COL23A1: variants seen among roughly 807,000 people sequenced by gnomAD.
COL23A1 encodes collagen type XXIII alpha 1 chain.
In COL23A1, 97 loss-of-function variants were observed where a neutral mutation model predicts 99.3. The ratio of observed to expected loss-of-function variants is 0.98; its 90% CI spans 0.83 to 1.16. The LOEUF is 1.16. Ranked by LOEUF, COL23A1 falls within the 50% of genes most tolerant of loss-of-function variation. The pLI is 0.00. For synonymous variants in COL23A1, 320 were observed against 308.2 expected (o/e 1.04, Z -0.40); for missense variants, 762 against 757.4 (o/e 1.01, Z -0.07).
In COL23A1 at chr5:178,322,584, C is replaced by T. The variant is rs534758277; in HGVS notation, c.362-15665G>A. On this transcript the variant is annotated intron_variant, in intron 2 of 28. Transcript: ENST00000390654. ...TGGCTCCTGCCTGGGGGCTGCCAAA[C>T]GAGCTGGCTCCTGCCTGGGGGTCCC... is the stretch of plus-strand genomic sequence containing the variant. Among the ~76,000 whole-genome samples, 541 of 151,792 alleles carry T rather than the reference C, an allele frequency of 3.6e-3. 2 individuals carry two copies. Among genetic ancestry groups the T allele is most frequent in the African/African-American group, 0.012 (508 of 41,336 alleles).
intron 13 of COL23A1, 82 bp from the exon 14 acceptor site, chr5:178,257,010 G>T: frequency 2.2e-6 from 3 of 1,353,512 alleles, no homozygotes; most frequent in Non-Finnish European, 2.1e-6. Context: ...CCTCGGGGTT[G>T]CCTGAAGCCT....
Position 178,258,262 on chromosome 5 carries a change from T to TATATATATATACATACAC in COL23A1, c.730-696_730-695insGTGTATGTATATATATAT. Among the ~76,000 whole-genome samples, 3 of 104,066 alleles carry TATATATATATACATACAC rather than the reference T, an allele frequency of 2.9e-5. 1 individual carries two copies. Among genetic ancestry groups the TATATATATATACATACAC allele is most frequent in the Non-Finnish European group, 6.7e-5 (3 of 44,836 alleles). 68.3% of individuals were successfully genotyped at this position (104,066 alleles called of 152,430 possible). A position where few individuals can be genotyped will look rare whatever the true frequency, so the allele number is the denominator to read the frequency against. On this transcript the variant is annotated intron_variant, in intron 12 of 28. Transcript: ENST00000390654. ...ATATATATATATATATATATATATA[T>TATATATATATACATACAC]ACACATGCAAATCAATTCTAGGCAC...
In COL23A1 at chr5:178,439,090, A is replaced by G. The variant is rs1766721874; in HGVS notation, c.361+121592T>C. 6.6e-6 allele frequency: 1 copy of G among 152,234 alleles called. No individual in the cohort carries two copies. Among genetic ancestry groups the G allele is most frequent in the East Asian group, 1.9e-4 (1 of 5,186 alleles). The allele number at this position is 152,234 out of a possible 1,614,324, so 9.4% of individuals were successfully genotyped here. On this transcript the variant is annotated intron_variant, in intron 2 of 28. Transcript: ENST00000390654. The surrounding 1 kb of genome is among the most constrained non-coding windows in gnomAD (Gnocchi z 4.2). The stretch of plus-strand genomic sequence containing the variant: ...TGCCCAGGCTGTGCGCAGATCAGTT[A>G]CATCAGGACCCAGCCAGCAGATTTT...
chr5:178,479,928 C>T (rs1022037425), intron 2 of COL23A1, among the ~76,000 whole-genome samples: 1 of 152,140 alleles, frequency 6.6e-6, no homozygotes, highest in Non-Finnish European at 1.5e-5. Context: ...CACACCCAGG[C>T]TGTGTGGCAC....
At chr5:178,440,535 T>C (rs1327653381) in intron 2 of COL23A1, among the ~76,000 whole-genome samples, 1 of 152,144 alleles carries the variant, frequency 6.6e-6, no homozygotes, top group Non-Finnish European at 1.5e-5. Flanking sequence ...ACCAGTATTT[T>C]AAAAAATGAA....
intron 2 of COL23A1, among the ~76,000 whole-genome samples, chr5:178,493,902 A>C (rs1758063411): frequency 6.6e-6 from 1 of 152,262 alleles, no homozygotes; most frequent in Non-Finnish European, 1.5e-5. Flanking sequence ...GACAGGCCAC[A>C]AGTCACTGCC....
In COL23A1 at chr5:178,590,020, C is replaced by A. The variant is rs1416864050; in HGVS notation, c.178G>T (p.Ala60Ser). 7.4e-7 allele frequency: 1 copy of A among 1,354,308 alleles called. No individual in the cohort carries two copies. 83.9% of individuals were successfully genotyped at this position (1,354,308 alleles called of 1,614,324 possible). Reference protein sequence around the residue: ...ACLLLGVQAAALQGRVAALEE... With the variant: ...ACLLLGVQAASLQGRVAALEE... Reference sequence around the variant, plus strand: ...AGCGCCGCCACCCGGCCCTGCAGCGCGGCCGCCTGGACACCCAGCAGCAGG... The same window carrying A: ...AGCGCCGCCACCCGGCCCTGCAGCGAGGCCGCCTGGACACCCAGCAGCAGG... Residue 60 changes from alanine (A) to serine (S), a missense_variant, in exon 1 of 29, where the codon GCG (alanine) becomes TCG (serine). Ala to Ser is a moderately conservative substitution (Grantham distance 99). Transcript: ENST00000390654. The surrounding 1 kb of genome is among the most constrained non-coding windows in gnomAD (Gnocchi z 5.7).
chr5:178,268,176 G>C (rs189511833), intron 7 of COL23A1, among the ~76,000 whole-genome samples: 1 of 152,338 alleles, frequency 6.6e-6, no homozygotes, highest in East Asian at 1.9e-4. Flanking sequence ...GGAGCACCCG[G>C]CTGGCCCTGG....
At chr5:178,480,848 A>G (rs1402504884) in intron 2 of COL23A1, among the ~76,000 whole-genome samples, 1 of 152,186 alleles carries the variant, frequency 6.6e-6, no homozygotes, top group African/African-American at 2.4e-5. Context: ...CTTAACATCA[A>G]CATTAAATGT....
chr5:178,457,417 G>T (rs1408494390), intron 2 of COL23A1, among the ~76,000 whole-genome samples: 2 of 152,100 alleles, frequency 1.3e-5, no homozygotes, highest in African/African-American at 2.4e-5. Flanking sequence ...GTTTTGCCAT[G>T]TTGGCCAGGC....
chr5:178,490,141 G>A (rs546586781), intron 2 of COL23A1, among the ~76,000 whole-genome samples: 32 of 152,112 alleles, frequency 2.1e-4, no homozygotes, highest in African/African-American at 3.6e-4. Context: ...CAGAAGAATC[G>A]CTTGAACCTG....
At chr5:178,251,758 T>A (rs750924998) in intron 17 of COL23A1, among the ~76,000 whole-genome samples, 1 of 152,140 alleles carries the variant, frequency 6.6e-6, no homozygotes, top group Non-Finnish European at 1.5e-5. Context: ...GGGGACCACA[T>A]AGCTGCTCCT....
chr5:178,518,741 G>C, intron 2 of COL23A1, among the ~76,000 whole-genome samples: 1 of 150,566 alleles, frequency 6.6e-6, no homozygotes. Flanking sequence ...CAGACGGGGT[G>C]GCAGCCGGGC....
chr5:178,490,482 T>G (rs1248090628), intron 2 of COL23A1, among the ~76,000 whole-genome samples: 2 of 152,090 alleles, frequency 1.3e-5, no homozygotes, highest in Non-Finnish European at 2.9e-5. Flanking sequence ...GTACAGAGTT[T>G]CAGTTGCGGA....
chr5:178,563,230 C>G (rs1352967259), intron 1 of COL23A1, among the ~76,000 whole-genome samples: 1 of 152,214 alleles, frequency 6.6e-6, no homozygotes, highest in Non-Finnish European at 1.5e-5. Context: ...GGGACTGGAC[C>G]TGCCACTCCC....
intron 2 of COL23A1, among the ~76,000 whole-genome samples, chr5:178,400,366 C>CCAA (rs1764377832): frequency 1.6e-5 from 1 of 62,832 alleles, no homozygotes; most frequent in Admixed American, 2.1e-4. Flanking sequence ...GACTCCGTCT[C>CCAA]AAAAAAAAAA....
Position 178,262,299 on chromosome 5 carries a change from T to G in COL23A1, c.640-47A>C, listed in dbSNP as rs186559263. 9,355 of 1,555,016 alleles carry G rather than the reference T, an allele frequency of 6.0e-3. 36 individuals carry two copies. Among genetic ancestry groups the G allele is most frequent in the Middle Eastern group, 9.7e-3 (58 of 5,962 alleles). On this transcript the variant is annotated intron_variant, in intron 9 of 28. Coordinates refer to ENST00000390654, the MANE Select transcript of COL23A1 (RefSeq NM_173465.4). ...GCAGTGAAGGATGCAGGATGTCACA[T>G]TGAACTGAGCCCAAATCTCAGGCCA...
At chr5:178,357,118 C>G (rs1407376680) in intron 2 of COL23A1, among the ~76,000 whole-genome samples, 1 of 152,236 alleles carries the variant, frequency 6.6e-6, no homozygotes, top group East Asian at 1.9e-4. Context: ...TTCTCCTGTT[C>G]CCTTCTGTTC....
In COL23A1 at chr5:178,428,658, G is replaced by A. The variant is rs1411967055; in HGVS notation, c.362-121739C>T. ...TCCTGACCTCATTATGTCAGCGCCC[G>A]GATTGTGTGCTGGGGCTGGGCTGGG... is the stretch of plus-strand genomic sequence containing the variant. On this transcript the variant is annotated intron_variant, in intron 2 of 28. Coordinates refer to ENST00000390654, the MANE Select transcript of COL23A1 (RefSeq NM_173465.4). The surrounding 1 kb of genome is among the most constrained non-coding windows in gnomAD (Gnocchi z 5.0). 6.6e-6 allele frequency among the ~76,000 whole-genome samples: 1 copy of A among 152,210 alleles called. No individual in the cohort carries two copies. Among genetic ancestry groups the A allele is most frequent in the African/African-American group, 2.4e-5 (1 of 41,448 alleles).
Sources: gnomAD v4.1 joint callset for allele counts (sites outside exome capture counted in the v4.1 genomes callset) on GRCh38, gnomAD v4.1.1 for gene constraint, Gnocchi (gnomAD v3.1) non-coding constraint, MANE v1.5 for transcripts, NCBI Gene and HGNC (gene_info 2026-07-23, HGNC 2026-07-21) for gene names.